ZBTB7C: variants seen among roughly 807,000 people sequenced by gnomAD.
The protein encoded by ZBTB7C is zinc finger and BTB domain-containing protein 7C.
Under a neutral mutation model 25.7 loss-of-function variants are expected in ZBTB7C, and 8 were observed. That is an observed-to-expected ratio of 0.31 (90% CI 0.18 to 0.56). The LOEUF is 0.56. ZBTB7C is among the 20% of genes least tolerant of loss of function. The probability of loss-of-function intolerance (pLI) is 0.91; values close to 1 mark genes in which losing one functional copy is unlikely to be tolerated. For missense variants in ZBTB7C, 824 were observed against 855.2 expected (o/e 0.96, Z 0.46); for synonymous variants, 394 against 369.0 (o/e 1.07, Z -0.78).
chr18:48,153,330 G>GT, intron 3 of ZBTB7C, among the ~76,000 whole-genome samples: 2 of 152,310 alleles, frequency 1.3e-5, no homozygotes, highest in South Asian at 4.1e-4. Context: ...GGGTACTGAG[G>GT]TACAAGGAAG....
chr18:48,136,898 G>C (rs1165257891), intron 3 of ZBTB7C: 5 of 917,162 alleles, frequency 5.5e-6, no homozygotes, highest in East Asian at 2.4e-4. Context: ...GCGCTCTCCC[G>C]GCCGCCCGGA....
At chr18:48,034,328 G>T (rs1396636783) in intron 4 of ZBTB7C, among the ~76,000 whole-genome samples, 2 of 152,096 alleles carry the variant, frequency 1.3e-5, no homozygotes, top group Non-Finnish European at 2.9e-5. Context: ...AACACCTGCA[G>T]GTATGAACTG....
chr18:48,167,593 TGTGTGC>T (rs1266595036), intron 3 of ZBTB7C, among the ~76,000 whole-genome samples: 6 of 150,800 alleles, frequency 4.0e-5, no homozygotes, highest in South Asian at 2.1e-4. Flanking sequence ...TGTGTGTGTG[TGTGTGC>T]GCGCGTGCAC....
chr18:48,360,661 G>A (rs1051678968), intron 1 of ZBTB7C, among the ~76,000 whole-genome samples: 1 of 152,136 alleles, frequency 6.6e-6, no homozygotes, highest in African/African-American at 2.4e-5. Context: ...CGGGCACTGA[G>A]GGGAGCCTGC....
At chr18:48,198,419 T>C (rs2145190862) in intron 2 of ZBTB7C, among the ~76,000 whole-genome samples, 1 of 152,326 alleles carries the variant, frequency 6.6e-6, no homozygotes, top group South Asian at 2.1e-4. Context: ...TTTCTTATCT[T>C]AGAGTTCTGG....
chr18:48,170,889 T>C (rs1282095332), intron 3 of ZBTB7C, among the ~76,000 whole-genome samples: 1 of 152,112 alleles, frequency 6.6e-6, no homozygotes, highest in Non-Finnish European at 1.5e-5. Context: ...AGGCCTTTCA[T>C]GGGAGTGTGG....
At chr18:48,306,516 T>C (rs1382225503) in intron 2 of ZBTB7C, among the ~76,000 whole-genome samples, 1 of 152,240 alleles carries the variant, frequency 6.6e-6, no homozygotes, top group African/African-American at 2.4e-5. Flanking sequence ...CAGTGAGAAA[T>C]ATTAGATGCT....
intron 3 of ZBTB7C, among the ~76,000 whole-genome samples, chr18:48,137,893 T>C (rs1167599785): frequency 6.6e-6 from 1 of 152,194 alleles, no homozygotes; most frequent in African/African-American, 2.4e-5. Flanking sequence ...CCTTCAAACC[T>C]CACACAAACC....
At chr18:48,074,301 A>C (rs2037673540) in intron 3 of ZBTB7C, among the ~76,000 whole-genome samples, 1 of 152,176 alleles carries the variant, frequency 6.6e-6, no homozygotes. Context: ...GATGTGAGCC[A>C]CCACGCCCGG....
rs187970931 is a variant in ZBTB7C, at chr18:48,056,439, T to C, written c.-16-15316A>G. Reference sequence around the variant, plus strand: ...CCAAGAAATTTTTGAAACAGATGAGTAACAGAAGTAGGGGGACCAGCCCTA... The same window carrying C: ...CCAAGAAATTTTTGAAACAGATGAGCAACAGAAGTAGGGGGACCAGCCCTA... On this transcript the variant is annotated intron_variant, in intron 3 of 4. Transcript: ENST00000590800. Among the ~76,000 whole-genome samples, 233 of 152,186 alleles carry C rather than the reference T, an allele frequency of 1.5e-3. 2 individuals are homozygous for C. Among genetic ancestry groups the C allele is most frequent in the African/African-American group, 5.4e-3 (225 of 41,514 alleles).
chr18:48,287,541 AAATGAAAGACT>A (rs1207187052), intron 2 of ZBTB7C, among the ~76,000 whole-genome samples: 1 of 152,236 alleles, frequency 6.6e-6, no homozygotes, highest in Non-Finnish European at 1.5e-5. Context: ...AGAGCATAAA[AAATGAAAGACT>A]ACTTTGTAAC....
At chr18:48,240,181 G>T (rs2043486424) in intron 2 of ZBTB7C, among the ~76,000 whole-genome samples, 1 of 151,892 alleles carries the variant, frequency 6.6e-6, no homozygotes, top group African/African-American at 2.4e-5. Context: ...AATTTTAAAT[G>T]AACAAAGCCT....
intron 2 of ZBTB7C, among the ~76,000 whole-genome samples, chr18:48,213,116 G>A (rs1033200833): frequency 4.0e-5 from 6 of 151,720 alleles, no homozygotes; most frequent in Admixed American, 1.3e-4. Flanking sequence ...AGCTCTCATA[G>A]TGGGAGCAGC....
chr18:48,375,379 G>A (rs1006894119), intron 1 of ZBTB7C, among the ~76,000 whole-genome samples: 4 of 152,226 alleles, frequency 2.6e-5, no homozygotes, highest in African/African-American at 9.6e-5. Context: ...ACAGTGGGAA[G>A]GAAAGCTGGG....
chr18:48,071,832 C>T (rs1165595726), intron 3 of ZBTB7C, among the ~76,000 whole-genome samples: 1 of 152,204 alleles, frequency 6.6e-6, no homozygotes, highest in Non-Finnish European at 1.5e-5. Flanking sequence ...ATTCTAACAC[C>T]TGCTACCACA....
intron 2 of ZBTB7C, among the ~76,000 whole-genome samples, chr18:48,237,295 T>A (rs1490119023): frequency 2.6e-5 from 4 of 151,730 alleles, no homozygotes; most frequent in Admixed American, 2.6e-4. Flanking sequence ...AAATTACAAG[T>A]AAGGGCCCCA....
At chr18:48,060,022 T>G (rs1230543456) in intron 3 of ZBTB7C, among the ~76,000 whole-genome samples, 1 of 152,144 alleles carries the variant, frequency 6.6e-6, no homozygotes, top group East Asian at 1.9e-4. Flanking sequence ...GGAGAGCCCC[T>G]TTGTAAAACG....
intron 2 of ZBTB7C, among the ~76,000 whole-genome samples, chr18:48,204,770 C>T (rs1208340834): frequency 6.6e-6 from 1 of 152,190 alleles, no homozygotes; most frequent in Non-Finnish European, 1.5e-5. Context: ...TCCACCCTCT[C>T]TCCCAACACA....
chr18:48,171,478 A>G (rs1285053982), intron 3 of ZBTB7C, among the ~76,000 whole-genome samples: 1 of 152,236 alleles, frequency 6.6e-6, no homozygotes, highest in Non-Finnish European at 1.5e-5. Flanking sequence ...AAATTCTAGG[A>G]GCTGATCTCA....
Sources: gnomAD v4.1 joint callset for allele counts (sites outside exome capture counted in the v4.1 genomes callset) on GRCh38, gnomAD v4.1.1 for gene constraint, MANE v1.5 for transcripts, NCBI Gene and HGNC (gene_info 2026-07-23, HGNC 2026-07-21) for gene names.